The following PDCD1LG2 variants were observed in gnomAD, a reference collection of about 807,000 sequenced individuals.
PDCD1LG2 encodes programmed cell death 1 ligand 2, also known as B7 dendritic cell molecule.
In PDCD1LG2, 32 loss-of-function variants were observed where a neutral mutation model predicts 28.2. The ratio of observed to expected loss-of-function variants is 1.13; its 90% CI spans 0.86 to 1.52. PDCD1LG2 has a LOEUF of 1.52. Ranked by LOEUF, PDCD1LG2 falls within the 40% of genes most tolerant of loss-of-function variation. The pLI is 0.00. For missense variants in PDCD1LG2, 385 were observed against 323.8 expected (o/e 1.19, Z -1.45); for synonymous variants, 116 against 120.2 (o/e 0.97, Z 0.23).
chr9:5,542,570 A>T (rs148255394), intron 3 of PDCD1LG2, among the ~76,000 whole-genome samples: 1 of 152,378 alleles, frequency 6.6e-6, no homozygotes, highest in East Asian at 1.9e-4. Flanking sequence ...CAAATGACCA[A>T]CGAGCATATG....
At chr9:5,551,212 G>A (rs908213817) in intron 4 of PDCD1LG2, among the ~76,000 whole-genome samples, 27 of 152,306 alleles carry the variant, frequency 1.8e-4, no homozygotes, top group African/African-American at 6.3e-4. Flanking sequence ...ATCCTACTGA[G>A]AAGGGATATA....
intron 2 of PDCD1LG2, among the ~76,000 whole-genome samples, chr9:5,534,415 G>T (rs1335572254): frequency 6.6e-6 from 1 of 152,186 alleles, no homozygotes; most frequent in Non-Finnish European, 1.5e-5. Context: ...GGCTTGGGGG[G>T]TCAGGGACTG....
intron 3 of PDCD1LG2, among the ~76,000 whole-genome samples, chr9:5,538,767 C>T (rs1432293856): frequency 6.6e-6 from 1 of 151,034 alleles, no homozygotes; most frequent in Non-Finnish European, 1.5e-5. Context: ...ACAGATATAA[C>T]AGCAGAAAAA....
chr9:5,542,948 T>C (rs1820713843), intron 3 of PDCD1LG2, among the ~76,000 whole-genome samples: 1 of 151,902 alleles, frequency 6.6e-6, no homozygotes, highest in African/African-American at 2.4e-5. Context: ...CATCAATCAG[T>C]GAGTGGATAA....
intron 2 of PDCD1LG2, among the ~76,000 whole-genome samples, chr9:5,533,300 G>T (rs994263121): frequency 2.0e-5 from 3 of 152,130 alleles, no homozygotes; most frequent in African/African-American, 7.2e-5. Context: ...CTTTATTGAT[G>T]TAACACTACC....
Position 5,570,075 on chromosome 9 carries a change from G to C in PDCD1LG2, c.*116G>C. The C allele has an allele frequency of 1.5e-6, 2 of 1,292,746 alleles. No individual in the cohort carries two copies. The highest frequency in any genetic ancestry group is 1.8e-5 in the Admixed American group (1 of 55,700). The allele number at this position is 1,292,746 out of a possible 1,614,324, so 80.1% of individuals were successfully genotyped here. On this transcript the variant is annotated 3_prime_UTR_variant, in exon 7 of 7. Coordinates refer to ENST00000397747, the MANE Select transcript of PDCD1LG2 (RefSeq NM_025239.4). ...CCATTTGCACTTTTCAAATGCCTTTGGATGACCCAGCACTTTAATCTGAAA... is the reference window on the plus strand; with the variant it reads ...CCATTTGCACTTTTCAAATGCCTTTCGATGACCCAGCACTTTAATCTGAAA...
intron 1 of PDCD1LG2, among the ~76,000 whole-genome samples, chr9:5,517,808 T>C (rs1037837421): frequency 6.6e-6 from 1 of 152,166 alleles, no homozygotes; most frequent in African/African-American, 2.4e-5. Context: ...GAATCAGATG[T>C]AGAGTGAGAA....
chr9:5,550,719 A>T (rs1325701187), intron 4 of PDCD1LG2, among the ~76,000 whole-genome samples: 2 of 150,566 alleles, frequency 1.3e-5, no homozygotes, highest in Non-Finnish European at 3.0e-5. Flanking sequence ...TTTGAGATGA[A>T]GTCTTATTCT....
intron 2 of PDCD1LG2, among the ~76,000 whole-genome samples, chr9:5,524,149 C>T (rs1820327796): frequency 6.6e-6 from 1 of 152,142 alleles, no homozygotes; most frequent in Non-Finnish European, 1.5e-5. Context: ...GATCATTTTG[C>T]AGGTGAGGGA....
chr9:5,563,172 A>G lies in PDCD1LG2; in HGVS notation c.777A>G (p.Lys259=), dbSNP rs1416523244. 2 of 1,612,036 alleles carry G rather than the reference A, an allele frequency of 1.2e-6. No homozygotes were observed. Among genetic ancestry groups the G allele is most frequent in the Admixed American group, 3.3e-5 (2 of 59,928 alleles). The change falls in exon 6 of 7, where the codon AAA becomes AAG. Residue 259 remains lysine (K), a synonymous_variant. Coordinates refer to ENST00000397747, the MANE Select transcript of PDCD1LG2 (RefSeq NM_025239.4). The part of the protein sequence containing the change: ...QKLYSSKDTT[K]RPVTTTKREV... ...ATTTTTCCTTTTCAGACACAACAAA[A>G]AGACCTGTCACCACAACAAAGAGGG...
At chr9:5,538,619 C>T (rs1323377832) in intron 3 of PDCD1LG2, among the ~76,000 whole-genome samples, 2 of 150,896 alleles carry the variant, frequency 1.3e-5, no homozygotes, top group African/African-American at 2.4e-5. Flanking sequence ...AGCCGGGAGG[C>T]GGAGCTTGTA....
chr9:5,522,517 C>T lies in PDCD1LG2; in HGVS notation c.-14-16C>T, dbSNP rs2129725358. The T allele has an allele frequency of 6.2e-7, 1 of 1,604,292 alleles. No homozygotes were observed. Among genetic ancestry groups the T allele is most frequent in the East Asian group, 2.2e-5 (1 of 44,694 alleles). On this transcript the variant is annotated splice_polypyrimidine_tract_variant and intron_variant, in intron 1 of 6. Coordinates refer to ENST00000397747, the MANE Select transcript of PDCD1LG2 (RefSeq NM_025239.4). ...AAGTTTCACAAGGCCCTGAGACTTT[C>T]AATTGTCTATTTCAGATCAAATACA... is the stretch of plus-strand genomic sequence containing the variant.
chr9:5,535,528 G>A (rs764348542), intron 3 of PDCD1LG2, among the ~76,000 whole-genome samples: 1 of 152,084 alleles, frequency 6.6e-6, no homozygotes, highest in Non-Finnish European at 1.5e-5. Flanking sequence ...ATGTATAGAA[G>A]AGAATAGACA....
rs774012419 is a variant in PDCD1LG2, at chr9:5,570,682, G to C, written c.*723G>C. 3.0e-5 allele frequency: 7 copies of C among 230,020 alleles called. No individual in the cohort carries two copies. The highest frequency in any genetic ancestry group is 5.2e-5 in the Non-Finnish European group (6 of 116,366). The allele number at this position is 230,020 out of a possible 1,614,324, so 14.2% of individuals were successfully genotyped here. ...CTACATCTTTCCTTTAAAAATTATT[G>C]GTTTCTTTTTATTTGTTTTTACCTT... On this transcript the variant is annotated 3_prime_UTR_variant, in exon 7 of 7. Transcript: ENST00000397747.
chr9:5,556,245 T>C (rs956645456), intron 4 of PDCD1LG2, among the ~76,000 whole-genome samples: 19 of 152,206 alleles, frequency 1.2e-4, no homozygotes, highest in African/African-American at 4.1e-4. Context: ...TAGGGACCTC[T>C]CCTGTTGTGG....
chr9:5,552,533 G>C (rs776267654), intron 4 of PDCD1LG2, among the ~76,000 whole-genome samples: 24 of 152,294 alleles, frequency 1.6e-4, no homozygotes, highest in Admixed American at 7.9e-4. Context: ...GCTTGAGGAG[G>C]TTGTCAGGAG....
chr9:5,526,026 G>T (rs908548623), intron 2 of PDCD1LG2, among the ~76,000 whole-genome samples: 2 of 139,910 alleles, frequency 1.4e-5, no homozygotes, highest in African/African-American at 5.4e-5. Flanking sequence ...TAGCCTGGGC[G>T]ACAGAGTGAG....
chr9:5,540,651 C>T (rs200077180), intron 3 of PDCD1LG2, among the ~76,000 whole-genome samples: 2 of 151,780 alleles, frequency 1.3e-5, no homozygotes, highest in East Asian at 1.9e-4. Context: ...TACAACCCTT[C>T]GATTAAACCA....
chr9:5,549,582 T>A lies in PDCD1LG2; in HGVS notation c.609T>A (p.Thr203=), dbSNP rs2129878525. The change falls in exon 4 of 7, where the codon ACT becomes ACA. Residue 203 remains threonine (T), a synonymous_variant. Transcript: ENST00000397747. The part of the protein sequence containing the change: ...VFWNTHVREL[T]LASIDLQSQM... ...GGAATACTCACGTGAGGGAACTTAC[T>A]TTGGCCAGCATTGACCTTCAAAGTA... 3 of 1,614,208 alleles carry A rather than the reference T, an allele frequency of 1.9e-6. No homozygotes were observed. Among genetic ancestry groups the A allele is most frequent in the Non-Finnish European group, 2.5e-6 (3 of 1,180,034 alleles).
Sources: gnomAD v4.1 joint callset for allele counts (sites outside exome capture counted in the v4.1 genomes callset) on GRCh38, gnomAD v4.1.1 for gene constraint, MANE v1.5 for transcripts, NCBI Gene and HGNC (gene_info 2026-07-23, HGNC 2026-07-21) for gene names.